DLGAP2: variants seen among roughly 807,000 people sequenced by gnomAD.
The protein encoded by DLGAP2 is disks large-associated protein 2.
DLGAP2 carries 26 observed loss-of-function variants against 100.3 expected under a neutral mutation model. The ratio of observed to expected loss-of-function variants is 0.26; its 90% CI spans 0.19 to 0.36. DLGAP2 has a LOEUF of 0.36. DLGAP2 is among the 10% of genes least tolerant of loss of function. DLGAP2 has a pLI of 1.00. For synonymous variants in DLGAP2, 886 were observed against 630.1 expected (o/e 1.41, Z -6.08); for missense variants, 1,858 against 1,453.2 (o/e 1.28, Z -4.53).
At position 803,099 on chromosome 8, in the gene DLGAP2, G is replaced by A. The variant is rs375216450; in HGVS notation, c.18+65274G>A. On this transcript the variant is annotated intron_variant, in intron 1 of 14. Coordinates refer to ENST00000637795, the MANE Select transcript of DLGAP2 (RefSeq NM_001346810.2). ...GGCTTGGACGCTGGTGGCGGCTTCT[G>A]GGCTCCGTGGCTCCCACGGCTCCTG... is the stretch of plus-strand genomic sequence containing the variant. Among the ~76,000 whole-genome samples, 55 of 152,272 alleles carry A rather than the reference G, an allele frequency of 3.6e-4. 1 individual carries two copies. In the East Asian group the frequency reaches 7.4e-3, roughly 20 times the overall value.
At chr8:955,798 A>G (rs1010886887) in intron 2 of DLGAP2, among the ~76,000 whole-genome samples, 3 of 152,068 alleles carry the variant, frequency 2.0e-5, no homozygotes, top group African/African-American at 7.2e-5. Flanking sequence ...CCAATATCTT[A>G]CCTTGTTGAA....
intron 3 of DLGAP2, among the ~76,000 whole-genome samples, chr8:1,465,773 A>G (rs191054514): frequency 1.8e-3 from 277 of 152,300 alleles, no homozygotes; most frequent in Middle Eastern, 6.8e-3. Context: ...AGCAAGGCCT[A>G]TGTGTTCAGA....
At chr8:1,135,232 C>G (rs1448429992) in intron 2 of DLGAP2, among the ~76,000 whole-genome samples, 2 of 152,070 alleles carry the variant, frequency 1.3e-5, no homozygotes, top group Admixed American at 1.3e-4. Context: ...TGCTTTTTAA[C>G]AAATACATGT....
chr8:1,287,633 AG>A (rs1799967328), intron 3 of DLGAP2, among the ~76,000 whole-genome samples: 1 of 69,606 alleles, frequency 1.4e-5, no homozygotes, highest in African/African-American at 6.6e-5. Context: ...GTTTCGGTTG[AG>A]TGTGTGTGTG....
At chr8:1,258,924 G>A (rs1217947104) in intron 3 of DLGAP2, 41 bp downstream of exon 3, 56 of 1,230,642 alleles carry the variant, frequency 4.6e-5, no homozygotes, top group East Asian at 9.5e-5. Flanking sequence ...CGGGGGCCGC[G>A]CGGCTCACAG....
intron 3 of DLGAP2, among the ~76,000 whole-genome samples, chr8:1,381,708 A>G (rs1334016492): frequency 6.6e-6 from 1 of 151,810 alleles, no homozygotes; most frequent in Non-Finnish European, 1.5e-5. Flanking sequence ...TTCACTCAGC[A>G]TCATGTCCTC....
chr8:1,296,533 C>T (rs531200135), intron 3 of DLGAP2, among the ~76,000 whole-genome samples: 2 of 152,078 alleles, frequency 1.3e-5, no homozygotes, highest in African/African-American at 4.8e-5. Context: ...CGCTGCCTAT[C>T]TTGCAGAGTG....
rs183994237 is a variant in DLGAP2, at chr8:1,584,244, C to T, written c.1442+18350C>T. Among the ~76,000 whole-genome samples, 179 of 152,228 alleles carry T rather than the reference C, an allele frequency of 1.2e-3. 1 individual carries two copies. The highest frequency in any genetic ancestry group is 3.3e-3 in the Admixed American group (51 of 15,288). On this transcript the variant is annotated intron_variant, in intron 6 of 14. Coordinates refer to ENST00000637795, the MANE Select transcript of DLGAP2 (RefSeq NM_001346810.2). ...TTAATAAATGAACTGCTATTAGCGACGCCGATAAAGTAATCCTGTTTAGAG... is the reference window on the plus strand; with the variant it reads ...TTAATAAATGAACTGCTATTAGCGATGCCGATAAAGTAATCCTGTTTAGAG...
intron 13 of DLGAP2, among the ~76,000 whole-genome samples, chr8:1,696,451 G>A (rs1799400069): frequency 1.3e-5 from 2 of 152,174 alleles, no homozygotes; most frequent in Non-Finnish European, 2.9e-5. Flanking sequence ...AGTGAGCCAT[G>A]ATCACACCTG....
chr8:1,325,972 TG>T (rs1801012382), intron 3 of DLGAP2, among the ~76,000 whole-genome samples: 1 of 152,182 alleles, frequency 6.6e-6, no homozygotes, highest in Admixed American at 6.5e-5. Context: ...CCCATGGGAA[TG>T]TGAGTTTCTG....
chr8:1,058,692 TAG>T (rs1195198824), intron 2 of DLGAP2, among the ~76,000 whole-genome samples: 1 of 152,220 alleles, frequency 6.6e-6, no homozygotes, highest in Non-Finnish European at 1.5e-5. Context: ...GTTGGTAAAT[TAG>T]AGTTGTGGTT....
At chr8:1,532,839 A>C (rs1386273678) in intron 4 of DLGAP2, among the ~76,000 whole-genome samples, 6 of 151,886 alleles carry the variant, frequency 4.0e-5, no homozygotes. Flanking sequence ...TTGAACTCAC[A>C]AAAAGGCTCT....
chr8:1,539,853 G>T (rs1303379218), intron 4 of DLGAP2, among the ~76,000 whole-genome samples: 2 of 150,176 alleles, frequency 1.3e-5, no homozygotes, highest in African/African-American at 5.0e-5. Flanking sequence ...TCCTTGTAGG[G>T]CCTCCCTTCC....
Position 1,430,175 on chromosome 8 carries a change from C to T in DLGAP2, c.107-71191C>T, listed in dbSNP as rs186425181. 3.0e-3 allele frequency among the ~76,000 whole-genome samples: 447 copies of T among 150,934 alleles called. 2 individuals are homozygous for T. The highest frequency in any genetic ancestry group is 0.02 in the Middle Eastern group (6 of 294). On this transcript the variant is annotated intron_variant, in intron 3 of 14. Transcript: ENST00000637795. ...GTTTCAGCACTCACTTTAAAGGTGA[C>T]ATTCTCTGCAAAAATACTTTAATCC...
intron 3 of DLGAP2, among the ~76,000 whole-genome samples, chr8:1,412,826 G>C (rs1312374416): frequency 6.6e-6 from 1 of 152,286 alleles, no homozygotes; most frequent in East Asian, 1.9e-4. Flanking sequence ...CAGATGGCCT[G>C]TGTCTCCAGT....
rs754442064 is a variant in DLGAP2, at chr8:1,494,972, G to T, written c.107-6394G>T. ...TGACAGAGTGGTAGGGTGTTAGAGT[G>T]AGGTCCCGAGATATGCCTGTTGGCA... On this transcript the variant is annotated intron_variant, in intron 3 of 14. Transcript: ENST00000637795. Among the ~76,000 whole-genome samples, 14 of 152,206 alleles carry T rather than the reference G, an allele frequency of 9.2e-5. No homozygotes were observed. In the South Asian group the frequency reaches 1.2e-3, roughly 14 times the overall value.
chr8:883,633 G>T (rs747772343), intron 1 of DLGAP2, among the ~76,000 whole-genome samples: 3 of 151,394 alleles, frequency 2.0e-5, no homozygotes, highest in Non-Finnish European at 2.9e-5. Flanking sequence ...CGTTACGTAG[G>T]AGCGCGGGTG....
chr8:1,291,487 A>ATTCCC (rs1236762216), intron 3 of DLGAP2, among the ~76,000 whole-genome samples: 3 of 152,178 alleles, frequency 2.0e-5, no homozygotes, highest in Non-Finnish European at 2.9e-5. Flanking sequence ...GGCTCCCTTC[A>ATTCCC]GTGCCATATT....
At chr8:807,770 C>G (rs1327378011) in intron 1 of DLGAP2, among the ~76,000 whole-genome samples, 1 of 152,206 alleles carries the variant, frequency 6.6e-6, no homozygotes, top group Non-Finnish European at 1.5e-5. Flanking sequence ...AGCTACTTAG[C>G]TGTCTCTTTT....
Sources: gnomAD v4.1 joint callset for allele counts (sites outside exome capture counted in the v4.1 genomes callset) on GRCh38, gnomAD v4.1.1 for gene constraint, MANE v1.5 for transcripts, NCBI Gene and HGNC (gene_info 2026-07-23, HGNC 2026-07-21) for gene names.